The following WDR64 variants were observed in gnomAD, a reference collection of about 807,000 sequenced individuals.
The protein encoded by WDR64 is WD repeat-containing protein 64.
In WDR64, 112 loss-of-function variants were observed where a neutral mutation model predicts 139.3. The observed-to-expected ratio is 0.80, with a 90% CI of 0.69 to 0.94. The LOEUF (loss-of-function observed/expected upper bound fraction) is 0.94. Ranked by LOEUF, WDR64 falls within the 40% of genes least tolerant of loss-of-function variation. The probability of loss-of-function intolerance (pLI) is 0.00; values close to 1 mark genes in which losing one functional copy is unlikely to be tolerated. For missense variants in WDR64, 1,206 were observed against 1,293.1 expected (o/e 0.93, Z 1.03); for synonymous variants, 444 against 437.7 (o/e 1.01, Z -0.18).
intron 7 of WDR64, among the ~76,000 whole-genome samples, chr1:241,684,798 C>T (rs1248410498): frequency 6.6e-6 from 1 of 152,164 alleles, no homozygotes; most frequent in Non-Finnish European, 1.5e-5. Context: ...CACTCTGTCG[C>T]CCAGGCTGGA....
chr1:241,752,113 TTC>T (rs1478722744), intron 14 of WDR64, among the ~76,000 whole-genome samples: 1 of 152,202 alleles, frequency 6.6e-6, no homozygotes, highest in Non-Finnish European at 1.5e-5. Flanking sequence ...ATAGCTGTAT[TTC>T]TGTGTCCTTT....
chr1:241,674,174 G>A (rs910483586), intron 3 of WDR64, among the ~76,000 whole-genome samples: 11 of 151,834 alleles, frequency 7.2e-5, no homozygotes, highest in Admixed American at 4.6e-4. Flanking sequence ...AATGGTTGCC[G>A]GGTTTTAGGT....
chr1:241,659,671 C>CT (rs1665746983), intron 1 of WDR64, among the ~76,000 whole-genome samples: 1 of 152,140 alleles, frequency 6.6e-6, no homozygotes, highest in Non-Finnish European at 1.5e-5. Flanking sequence ...TGATGATGAG[C>CT]TTTTTTTCAT....
Position 241,772,948 on chromosome 1 carries a change from A to T in WDR64, c.2430+17A>T. ...ACTCTGGAGGTAATGGAACCCAGCA[A>T]GTCTGGGAATAGGAAAGAATGGGAA... On this transcript the variant is annotated intron_variant, in intron 20 of 27. Coordinates refer to ENST00000437684, the MANE Select transcript of WDR64 (RefSeq NM_001367482.1). 1 of 1,545,950 alleles carries T rather than the reference A, an allele frequency of 6.5e-7. No homozygotes were observed. Among genetic ancestry groups the T allele is most frequent in the Non-Finnish European group, 8.7e-7 (1 of 1,144,094 alleles).
chr1:241,722,216 A>G (rs12057562), intron 9 of WDR64, among the ~76,000 whole-genome samples: 9,787 of 152,218 alleles, frequency 0.064, 1,063 homozygotes, highest in African/African-American at 0.23. Flanking sequence ...TGTAATTAAA[A>G]ATAAGGTATC....
At chr1:241,799,220 AAAAT>A (rs1481132501) in intron 27 of WDR64, among the ~76,000 whole-genome samples, 7 of 134,056 alleles carry the variant, frequency 5.2e-5, no homozygotes, top group Non-Finnish European at 1.0e-4. Flanking sequence ...AAAAAAAAAA[AAAAT>A]ACAAAAATTA....
intron 8 of WDR64, among the ~76,000 whole-genome samples, chr1:241,690,077 A>C (rs1667156500): frequency 6.6e-6 from 1 of 152,208 alleles, no homozygotes; most frequent in South Asian, 2.1e-4. Flanking sequence ...ATGAGACACC[A>C]AACCCCAGAT....
At chr1:241,686,434 C>A (rs984992505) in intron 7 of WDR64, among the ~76,000 whole-genome samples, 1 of 152,184 alleles carries the variant, frequency 6.6e-6, no homozygotes, top group African/African-American at 2.4e-5. Context: ...TATTGTAGAA[C>A]TTTCATGCCT....
In WDR64 at chr1:241,801,647, G is replaced by A; in HGVS notation, c.*432G>A. ...AAAAAGAATTATTAAAAAGAAAAAT[G>A]TACCAGTCAGATCTCTAGATGTTTG... On this transcript the variant is annotated 3_prime_UTR_variant, in exon 28 of 28. Coordinates refer to ENST00000437684, the MANE Select transcript of WDR64 (RefSeq NM_001367482.1). 1 of 399,010 alleles carries A rather than the reference G, an allele frequency of 2.5e-6. No homozygotes were observed. Among genetic ancestry groups the A allele is most frequent in the Non-Finnish European group, 4.4e-6 (1 of 226,396 alleles). 24.7% of individuals were successfully genotyped at this position (399,010 alleles called of 1,614,324 possible). A position where few individuals can be genotyped will look rare whatever the true frequency, so the allele number is the denominator to read the frequency against.
chr1:241,673,222 C>T (rs1343153819), intron 3 of WDR64, among the ~76,000 whole-genome samples: 3 of 151,784 alleles, frequency 2.0e-5, no homozygotes, highest in Non-Finnish European at 2.9e-5. Context: ...GGAGATACAC[C>T]TAATGCTAAA....
rs780616661 is a variant in WDR64, at chr1:241,790,718, A to G, written c.2997+22A>G. 1.8e-5 allele frequency: 28 copies of G among 1,522,208 alleles called. 1 individual carries two copies. The highest frequency in any genetic ancestry group is 8.5e-5 in the South Asian group (7 of 82,516). 94.3% of individuals were successfully genotyped at this position (1,522,208 alleles called of 1,614,324 possible). ...TAAGGTAGCTTAAAAAAAAAAAAAA[A>G]AAAGAAATGGCAACAACAACAAAAC... is the stretch of plus-strand genomic sequence containing the variant. On this transcript the variant is annotated intron_variant, in intron 25 of 27. Transcript: ENST00000437684.
At chr1:241,686,503 T>C (rs7533177) in intron 7 of WDR64, among the ~76,000 whole-genome samples, 5,645 of 152,268 alleles carry the variant, frequency 0.037, 349 homozygotes, top group African/African-American at 0.13. Context: ...GACAAGAATT[T>C]TTACCTTAAT....
chr1:241,672,784 A>T (rs1666283306), intron 3 of WDR64, among the ~76,000 whole-genome samples: 1 of 152,082 alleles, frequency 6.6e-6, no homozygotes, highest in Admixed American at 6.6e-5. Context: ...AAGGTGAAAA[A>T]GATCTGTAGA....
intron 25 of WDR64, among the ~76,000 whole-genome samples, chr1:241,793,777 A>G (rs1277794877): frequency 6.6e-6 from 1 of 152,234 alleles, no homozygotes; most frequent in Non-Finnish European, 1.5e-5. Context: ...GAAAATACAT[A>G]CCAGGTACAT....
chr1:241,766,159 G>A (rs1036949327), intron 15 of WDR64, 59 bp from the exon 16 acceptor site: 108 of 1,560,776 alleles, frequency 6.9e-5, no homozygotes, highest in African/African-American at 1.8e-4. Context: ...TACACATGGC[G>A]TTTGCACCGC....
intron 8 of WDR64, among the ~76,000 whole-genome samples, chr1:241,696,113 CAAAAA>C (rs541301982): frequency 9.5e-3 from 211 of 22,294 alleles, no homozygotes; most frequent in Admixed American, 0.017. Flanking sequence ...GACCCAGTAT[CAAAAA>C]AAAAAAAAAA....
At chr1:241,728,563 T>A (rs1279290225) in intron 10 of WDR64, among the ~76,000 whole-genome samples, 1 of 152,234 alleles carries the variant, frequency 6.6e-6, no homozygotes, top group African/African-American at 2.4e-5. Flanking sequence ...ATTTTTATTC[T>A]TTCTCCTAAT....
chr1:241,724,842 T>C (rs557986731), intron 10 of WDR64, among the ~76,000 whole-genome samples: 1 of 152,332 alleles, frequency 6.6e-6, no homozygotes, highest in Admixed American at 6.5e-5. Context: ...ATTTTACATA[T>C]GCAACTCATT....
chr1:241,680,376 T>G (rs553305757), intron 6 of WDR64, among the ~76,000 whole-genome samples: 35 of 152,212 alleles, frequency 2.3e-4, no homozygotes, highest in Non-Finnish European at 4.0e-4. Context: ...CCAGAATAAT[T>G]TTAAAGACAG....
Sources: gnomAD v4.1 joint callset for allele counts (sites outside exome capture counted in the v4.1 genomes callset) on GRCh38, gnomAD v4.1.1 for gene constraint, MANE v1.5 for transcripts, NCBI Gene and HGNC (gene_info 2026-07-23, HGNC 2026-07-21) for gene names.